PARP15: variants seen among roughly 807,000 people sequenced by gnomAD.
PARP15 encodes the protein poly(ADP-ribose) polymerase family member 15, also known as protein mono-ADP-ribosyltransferase PARP15.
In PARP15, 50 loss-of-function variants were observed where a neutral mutation model predicts 62.1. That is an observed-to-expected ratio of 0.81 (90% CI 0.64 to 1.02). The LOEUF (loss-of-function observed/expected upper bound fraction) is 1.02, where lower values mean the gene tolerates loss of function less well. Among genes scored for constraint, PARP15 ranks in the 50% least tolerant of loss-of-function variants. The probability of loss-of-function intolerance (pLI) is 0.00; values close to 1 mark genes in which losing one functional copy is unlikely to be tolerated. For missense variants in PARP15, 820 were observed against 826.5 expected (o/e 0.99, Z 0.10); for synonymous variants, 309 against 293.1 (o/e 1.05, Z -0.55).
In PARP15 at chr3:122,594,719, A is replaced by T. The variant is rs1015755488; in HGVS notation, c.187-11217A>T. The T allele has an allele frequency of 2.5e-5, 24 of 957,420 alleles. No homozygotes were observed. In the African/African-American group the frequency reaches 4.2e-4, roughly 17 times the overall value. The allele number at this position is 957,420 out of a possible 1,614,324, so 59.3% of individuals were successfully genotyped here. On this transcript the variant is annotated intron_variant, in intron 1 of 11. Transcript: ENST00000464300. ...TCTTCTAATATGAAATAAAATTACA[A>T]TACCAATAAGTTGATTTTTACTTCT... is the stretch of plus-strand genomic sequence containing the variant.
chr3:122,613,848 G>A (rs1336269721), intron 4 of PARP15, among the ~76,000 whole-genome samples: 1 of 125,568 alleles, frequency 8.0e-6, no homozygotes, highest in Non-Finnish European at 1.6e-5. Context: ...TTGAGACAGA[G>A]TCTCGTTCTG....
chr3:122,589,053 G>T (rs1411721208), intron 1 of PARP15, among the ~76,000 whole-genome samples: 2 of 152,170 alleles, frequency 1.3e-5, no homozygotes, highest in Non-Finnish European at 2.9e-5. Flanking sequence ...GTCTCAGTCA[G>T]CTTGGGCTGC....
At chr3:122,601,036 GTTTT>G (rs771581231) in intron 1 of PARP15, among the ~76,000 whole-genome samples, 7 of 73,030 alleles carry the variant, frequency 9.6e-5, no homozygotes, top group African/African-American at 4.1e-4. Flanking sequence ...GTCTTTTATG[GTTTT>G]TTTTTTTTTT....
Position 122,593,496 on chromosome 3 carries a change from C to G in PARP15, c.187-12440C>G, listed in dbSNP as rs560405860. On this transcript the variant is annotated intron_variant, in intron 1 of 11. Coordinates refer to ENST00000464300, the MANE Select transcript of PARP15 (RefSeq NM_001113523.3). ...ATGTTATTAAGATAACGTGGATTCA[C>G]TGTAAAAAAGAAATTAGTACAAAAA... Among the ~76,000 whole-genome samples the G allele has an allele frequency of 2.0e-5, 3 of 152,082 alleles. No homozygotes were observed. The East Asian group carries it at 5.8e-4, about 29-fold the overall frequency.
intron 1 of PARP15, among the ~76,000 whole-genome samples, chr3:122,587,827 T>C (rs1161933454): frequency 6.6e-6 from 1 of 152,222 alleles, no homozygotes; most frequent in Non-Finnish European, 1.5e-5. Flanking sequence ...CCCTGCTTCA[T>C]TGTTGTTTGA....
chr3:122,584,872 C>T (rs917520206), intron 1 of PARP15, among the ~76,000 whole-genome samples: 3 of 152,100 alleles, frequency 2.0e-5, no homozygotes, highest in Admixed American at 1.3e-4. Flanking sequence ...GCTACCACGC[C>T]GGGCCCATTT....
intron 1 of PARP15, among the ~76,000 whole-genome samples, chr3:122,591,582 G>T (rs1933916510): frequency 6.6e-6 from 1 of 152,126 alleles, no homozygotes; most frequent in African/African-American, 2.4e-5. Context: ...CAAACATGGT[G>T]AAACTGCATC....
chr3:122,637,179 T>G lies in PARP15; in HGVS notation c.*1079T>G, dbSNP rs35782160. ...AGCAAATGAATGCACAGATAGAATA[T>G]TAGCAGTGACAATGATGCTAGAGGT... On this transcript the variant is annotated 3_prime_UTR_variant, in exon 12 of 12. Coordinates refer to ENST00000464300, the MANE Select transcript of PARP15 (RefSeq NM_001113523.3). 0.19 allele frequency: 28,137 copies of G among 152,012 alleles called. 3,423 individuals carry two copies. Among genetic ancestry groups the G allele is most frequent in the African/African-American group, 0.34 (13,964 of 41,388 alleles). The allele number at this position is 152,012 out of a possible 1,614,324, so 9.4% of individuals were successfully genotyped here.
intron 6 of PARP15, among the ~76,000 whole-genome samples, chr3:122,618,362 C>T (rs73192176): frequency 0.12 from 18,678 of 152,102 alleles, 1,483 homozygotes; most frequent in Non-Finnish European, 0.17. Context: ...GAAAAAAGAA[C>T]GTTGGAAGGA....
chr3:122,578,274 C>G (rs2080726813), intron 1 of PARP15, among the ~76,000 whole-genome samples: 1 of 151,934 alleles, frequency 6.6e-6, no homozygotes, highest in Non-Finnish European at 1.5e-5. Context: ...GACTTTTAGT[C>G]ATATTTTAAT....
At chr3:122,589,778 T>C (rs1933727651) in intron 1 of PARP15, among the ~76,000 whole-genome samples, 1 of 152,194 alleles carries the variant, frequency 6.6e-6, no homozygotes, top group Non-Finnish European at 1.5e-5. Flanking sequence ...GTACAAGTCT[T>C]ATTGGCTATA....
intron 3 of PARP15, among the ~76,000 whole-genome samples, chr3:122,611,873 C>A (rs1369586758): frequency 1.3e-5 from 2 of 151,934 alleles, no homozygotes; most frequent in African/African-American, 2.4e-5. Context: ...TGCCACTACA[C>A]CTGGCTAATT....
chr3:122,625,419 A>C (rs1050389910), intron 8 of PARP15, among the ~76,000 whole-genome samples: 11 of 151,944 alleles, frequency 7.2e-5, no homozygotes, highest in African/African-American at 2.4e-4. Context: ...ATGGCTGGCT[A>C]ATTTTTGTAT....
At chr3:122,594,727 A>C in intron 1 of PARP15, 1 of 966,368 alleles carries the variant, frequency 1.0e-6, no homozygotes, top group South Asian at 4.8e-5. Context: ...CAATACCAAT[A>C]AGTTGATTTT....
At chr3:122,616,921 G>C (rs781597167) in intron 5 of PARP15, 94 bp from the exon 6 acceptor site, 2 of 1,391,760 alleles carry the variant, frequency 1.4e-6, no homozygotes, top group Admixed American at 2.2e-5. Flanking sequence ...AAAAGAAAGA[G>C]GGCTGAGCTG....
chr3:122,632,342 C>T, intron 10 of PARP15, 123 bp downstream of exon 10: 3 of 952,054 alleles, frequency 3.2e-6, no homozygotes, highest in Non-Finnish European at 4.6e-6. Context: ...TGGAATTAGA[C>T]TTACTCAAGT....
At chr3:122,605,714 C>G (rs552166551) in intron 1 of PARP15, among the ~76,000 whole-genome samples, 2 of 152,072 alleles carry the variant, frequency 1.3e-5, no homozygotes, top group African/African-American at 4.8e-5. Context: ...GTGGGCACTA[C>G]AGGCACATGC....
chr3:122,579,019 TTACAA>T (rs1445044325), intron 1 of PARP15, among the ~76,000 whole-genome samples: 2 of 152,208 alleles, frequency 1.3e-5, no homozygotes, highest in Admixed American at 6.5e-5. Context: ...TTAAAAACAA[TTACAA>T]TACATGACTT....
At chr3:122,597,347 G>GT (rs60185867) in intron 1 of PARP15, among the ~76,000 whole-genome samples, 1 of 151,060 alleles carries the variant, frequency 6.6e-6, no homozygotes, top group African/African-American at 2.4e-5. Context: ...ATAGCAAGTG[G>GT]TTTTTTTTTT....
Sources: allele counts gnomAD v4.1 joint callset (sites outside exome capture counted in the v4.1 genomes callset), GRCh38; gene constraint gnomAD v4.1.1; transcripts MANE v1.5; gene names NCBI Gene and HGNC (gene_info 2026-07-23, HGNC 2026-07-21).